Variants in GNPTAB observed in about 807,000 individuals in gnomAD.
GNPTAB encodes the protein N-acetylglucosamine-1-phosphate transferase subunits alpha and beta.
Under a neutral mutation model 136.6 loss-of-function variants are expected in GNPTAB, and 92 were observed. The ratio of observed to expected loss-of-function variants is 0.67; its 90% CI spans 0.57 to 0.80. The LOEUF (loss-of-function observed/expected upper bound fraction) is 0.80. Among genes scored for constraint, GNPTAB ranks in the 30% least tolerant of loss-of-function variants. GNPTAB has a pLI of 0.00. For missense variants in GNPTAB, 1,343 were observed against 1,501.8 expected (o/e 0.89, Z 1.75); for synonymous variants, 512 against 535.1 (o/e 0.96, Z 0.60).
intron 1 of GNPTAB, among the ~76,000 whole-genome samples, chr12:101,803,365 G>A (rs977103744): frequency 6.6e-6 from 1 of 152,188 alleles, no homozygotes; most frequent in Non-Finnish European, 1.5e-5. Flanking sequence ...TAACCAGGAA[G>A]TAAAATCTGC....
At position 101,782,304 on chromosome 12, in the gene GNPTAB, T is replaced by G. The variant is rs576683788; in HGVS notation, c.572-1683A>C. 5.7e-4 allele frequency among the ~76,000 whole-genome samples: 86 copies of G among 150,494 alleles called. 1 individual carries two copies. Among genetic ancestry groups the G allele is most frequent in the African/African-American group, 1.4e-3 (57 of 40,958 alleles). The stretch of plus-strand genomic sequence containing the variant: ...GTATTTGAGCATTAGAATATATAAG[T>G]TTTTTTTTTAAAAAGATAAGTTTTA... On this transcript the variant is annotated intron_variant, in intron 5 of 20. Coordinates refer to ENST00000299314, the MANE Select transcript of GNPTAB (RefSeq NM_024312.5).
rs748299048 is a variant in GNPTAB at position 101,770,997 on chromosome 12, T to C, written c.932A>G (p.Gln311Arg). 2.5e-6 allele frequency: 4 copies of C among 1,614,032 alleles called. No homozygotes were observed. In the South Asian group the frequency reaches 4.4e-5, roughly 18 times the overall value. Residue 311 changes from glutamine (Q) to arginine (R), a missense_variant and splice_region_variant, in exon 8 of 21, where the codon CAG (glutamine) becomes CGG (arginine). Transcript: ENST00000299314. ...YLLWDLSAIS[Q>R]SKQDEDISAS... ...TAAAAGCTTCTGTGCATCCCTTACC[T>C]GGCTGATGGCGCTCAGATCCCATAA...
intron 18 of GNPTAB, among the ~76,000 whole-genome samples, chr12:101,754,740 A>T (rs61935740): frequency 4.4e-5 from 2 of 45,068 alleles, no homozygotes; most frequent in Admixed American, 1.9e-4. Context: ...CGCCAAAATT[A>T]AAAAAAAAAA....
chr12:101,779,817 T>C (rs752697295), intron 7 of GNPTAB: 3 of 346,714 alleles, frequency 8.7e-6, no homozygotes, highest in Non-Finnish European at 1.7e-5. Flanking sequence ...GGAGCTCGTC[T>C]ACGGCCATAC....
At position 101,780,220 on chromosome 12, in the gene GNPTAB, G is replaced by C. The variant is rs886048852; in HGVS notation, c.703C>G (p.Pro235Ala). ...QDLAFLSGFP[P>A]TFKETNQLKT... is the part of the protein sequence containing the mutation. ...AGTTGATTTGTTTCCTTGAATGTTG[G>C]TGGAAATCCACTCAGGAAAGCCAAA... The change falls in exon 7 of 21, where the codon CCA becomes GCA. Residue 235 changes from proline (P) to alanine (A), a missense_variant. By Grantham distance (27) the Pro-to-Ala change is conservative. Transcript: ENST00000299314. 3.1e-6 allele frequency: 5 copies of C among 1,612,784 alleles called. No homozygotes were observed. Among genetic ancestry groups the C allele is most frequent in the Non-Finnish European group, 4.2e-6 (5 of 1,178,822 alleles).
chr12:101,786,932 T>C (rs1370468996), intron 4 of GNPTAB, among the ~76,000 whole-genome samples: 2 of 152,204 alleles, frequency 1.3e-5, no homozygotes, highest in Admixed American at 1.3e-4. Context: ...GACTCAATAT[T>C]AGCACAAGTG....
intron 16 of GNPTAB, among the ~76,000 whole-genome samples, chr12:101,758,040 T>TC (rs1411163373): frequency 8.7e-5 from 13 of 148,944 alleles, no homozygotes; most frequent in African/African-American, 1.2e-4. Context: ...TAGTCTCATT[T>TC]TTTTTTTTTT....
intron 1 of GNPTAB, among the ~76,000 whole-genome samples, chr12:101,816,007 A>T (rs911305673): frequency 2.6e-5 from 4 of 152,212 alleles, no homozygotes; most frequent in Admixed American, 1.3e-4. Flanking sequence ...CAGAAGAATG[A>T]AACTGGACCC....
intron 12 of GNPTAB, 68 bp from the exon 13 acceptor site, chr12:101,765,372 C>A (rs562779361): frequency 9.6e-7 from 1 of 1,046,064 alleles, no homozygotes. Flanking sequence ...TCCTTTAATT[C>A]TTTGAGTCTG....
intron 5 of GNPTAB, 148 bp from the exon 6 acceptor site, chr12:101,780,769 CCATT>C: frequency 1.5e-6 from 1 of 678,232 alleles, no homozygotes; most frequent in South Asian, 1.7e-5. Context: ...CAAAATTAGC[CCATT>C]CAACAAAAGG....
At chr12:101,760,883 G>A (rs1952981897) in intron 15 of GNPTAB, among the ~76,000 whole-genome samples, 1 of 151,308 alleles carries the variant, frequency 6.6e-6, no homozygotes, top group Non-Finnish European at 1.5e-5. Flanking sequence ...AGGGTGAAGC[G>A]TTTCTCCTGT....
intron 4 of GNPTAB, among the ~76,000 whole-genome samples, chr12:101,787,344 A>G (rs1459279745): frequency 6.6e-6 from 1 of 152,200 alleles, no homozygotes; most frequent in Non-Finnish European, 1.5e-5. Flanking sequence ...AACATGATAC[A>G]TACATATAAT....
intron 1 of GNPTAB, among the ~76,000 whole-genome samples, chr12:101,821,056 TCA>T (rs528708567): frequency 0.27 from 31,158 of 114,120 alleles, 4,283 homozygotes; most frequent in African/African-American, 0.35. Context: ...AGACTCCGTC[TCA>T]AAAAAAAAAA....
chr12:101,760,517 C>T (rs1952977059), intron 15 of GNPTAB, among the ~76,000 whole-genome samples: 1 of 152,054 alleles, frequency 6.6e-6, no homozygotes, highest in Non-Finnish European at 1.5e-5. Context: ...GCTAGCCACA[C>T]CTGAAGTCCT....
intron 1 of GNPTAB, among the ~76,000 whole-genome samples, chr12:101,820,528 A>T (rs1049504563): frequency 3.9e-5 from 6 of 152,264 alleles, no homozygotes; most frequent in African/African-American, 1.4e-4. Flanking sequence ...TCTTTGTTGT[A>T]GGGGCTGTCC....
At chr12:101,811,630 G>A (rs1870239533) in intron 1 of GNPTAB, among the ~76,000 whole-genome samples, 1 of 150,404 alleles carries the variant, frequency 6.6e-6, no homozygotes, top group East Asian at 2.0e-4. Flanking sequence ...GGAGGAGGGT[G>A]CTACACACTT....
In GNPTAB at chr12:101,761,544, CA is replaced by C. The variant is rs1566071668; in HGVS notation, c.2915+19del. ...TAGTTCTGAACACAAGCAAACAACT[CA>C]AACACGAGCAAGACTTACATATCTT... On this transcript the variant is annotated intron_variant, in intron 14 of 20. Coordinates refer to ENST00000299314, the MANE Select transcript of GNPTAB (RefSeq NM_024312.5). 1.2e-6 allele frequency: 2 copies of C among 1,609,478 alleles called. No homozygotes were observed. The highest frequency in any genetic ancestry group is 2.2e-5 in the South Asian group (2 of 90,976).
chr12:101,803,486 TA>T (rs1869757696), intron 1 of GNPTAB, among the ~76,000 whole-genome samples: 1 of 152,202 alleles, frequency 6.6e-6, no homozygotes, highest in South Asian at 2.1e-4. Context: ...GTTCAATGGT[TA>T]TTAACACAGG....
chr12:101,818,640 G>A (rs988785378), intron 1 of GNPTAB, among the ~76,000 whole-genome samples: 2 of 152,178 alleles, frequency 1.3e-5, no homozygotes, highest in African/African-American at 2.4e-5. Context: ...GACTCCCAAA[G>A]TGTTGGGATT....
Sources: allele counts gnomAD v4.1 joint callset (sites outside exome capture counted in the v4.1 genomes callset), GRCh38; gene constraint gnomAD v4.1.1; transcripts MANE v1.5; gene names NCBI Gene and HGNC (gene_info 2026-07-23, HGNC 2026-07-21).